RTCB: variants seen among roughly 807,000 people sequenced by gnomAD.
RTCB encodes the protein RNA 2',3'-cyclic phosphate and 5'-OH ligase, also known as RNA-splicing ligase RTCB.
In RTCB, 32 loss-of-function variants were observed where a neutral mutation model predicts 58.2. That is an observed-to-expected ratio of 0.55 (90% CI 0.41 to 0.74). The LOEUF (loss-of-function observed/expected upper bound fraction) is 0.74, where lower values mean the gene tolerates loss of function less well. Ranked by LOEUF, RTCB falls within the 30% of genes least tolerant of loss-of-function variation. RTCB has a pLI of 0.00. For synonymous variants in RTCB, 247 were observed against 218.6 expected (o/e 1.13, Z -1.15); for missense variants, 523 against 639.0 (o/e 0.82, Z 1.96).
At chr22:32,406,004 T>G (rs1233685506) in intron 4 of RTCB, among the ~76,000 whole-genome samples, 1 of 152,198 alleles carries the variant, frequency 6.6e-6, no homozygotes, top group Non-Finnish European at 1.5e-5. Context: ...TTTACACAGC[T>G]GAACTCATCT....
At chr22:32,410,302 G>A (rs1933498179) in intron 1 of RTCB, among the ~76,000 whole-genome samples, 1 of 152,134 alleles carries the variant, frequency 6.6e-6, no homozygotes, top group Non-Finnish European at 1.5e-5. Context: ...TGGCGCAGCA[G>A]AACATCTAGG....
intron 5 of RTCB, among the ~76,000 whole-genome samples, chr22:32,400,751 T>A (rs943715087): frequency 1.3e-5 from 2 of 152,258 alleles, no homozygotes; most frequent in Admixed American, 6.5e-5. Context: ...CTAAAAACAT[T>A]TTTTTCTATT....
In RTCB at chr22:32,398,097, C is replaced by A. The variant is rs1933276127; in HGVS notation, c.658G>T (p.Gly220Trp). The A allele has an allele frequency of 6.2e-7, 1 of 1,611,542 alleles. No homozygotes were observed. Among genetic ancestry groups the A allele is most frequent in the Non-Finnish European group, 8.5e-7 (1 of 1,179,368 alleles). ...RAKKRGLPQL[G>W]TLGAGNHYAE... Reference sequence around the variant, plus strand: ...TAATGGTTGCCTGCTCCCAGGGTCCCCAACTGCAAATGTAAAAATGTCTGG... The same window carrying A: ...TAATGGTTGCCTGCTCCCAGGGTCCACAACTGCAAATGTAAAAATGTCTGG... Residue 220 changes from glycine (G) to tryptophan (W), a missense_variant, in exon 7 of 12, where the codon GGG (glycine) becomes TGG (tryptophan). Physicochemically the swap from Gly to Trp is radical, Grantham distance 184 (BLOSUM62 -2). Transcript: ENST00000216038.
intron 7 of RTCB, among the ~76,000 whole-genome samples, 175 bp downstream of exon 7, chr22:32,397,766 A>C (rs1340962591): frequency 6.6e-6 from 1 of 152,260 alleles, no homozygotes; most frequent in Non-Finnish European, 1.5e-5. Context: ...ATATGAAATA[A>C]CTATTATACT....
At chr22:32,394,350 A>C (rs1247726192) in intron 9 of RTCB, among the ~76,000 whole-genome samples, 1 of 151,858 alleles carries the variant, frequency 6.6e-6, no homozygotes, top group East Asian at 1.9e-4. Context: ...CGAACTCGTG[A>C]TTTGCCCGCC....
At chr22:32,392,536 T>A (rs532942929) in intron 10 of RTCB, 177 bp from the exon 11 acceptor site, 1 of 837,704 alleles carries the variant, frequency 1.2e-6, no homozygotes, top group East Asian at 2.7e-5. Context: ...GAATTCTTTG[T>A]TGGGAGGCTG....
intron 9 of RTCB, among the ~76,000 whole-genome samples, chr22:32,394,359 C>T (rs1358864333): frequency 4.6e-5 from 7 of 152,018 alleles, no homozygotes; most frequent in Non-Finnish European, 7.4e-5. Flanking sequence ...GATTTGCCCG[C>T]CTTGGCCTCC....
At position 32,393,961 on chromosome 22, in the gene RTCB, G is replaced by C; in HGVS notation, c.1221C>G (p.Thr407=). 3 of 1,614,120 alleles carry C rather than the reference G, an allele frequency of 1.9e-6. No individual in the cohort carries two copies. Among genetic ancestry groups the C allele is most frequent in the Non-Finnish European group, 2.5e-6 (3 of 1,179,954 alleles). ...CAGTGCCAGTAAGAACATAACTACA[G>C]GTTCCCATGGTGCCACCAATGAGCA... ...QPVLIGGTMG[T]CSYVLTGTEQ... The change falls in exon 10 of 12, where the codon ACC becomes ACG. Residue 407 remains threonine, a synonymous_variant. Coordinates refer to ENST00000216038, the MANE Select transcript of RTCB (RefSeq NM_014306.5).
intron 3 of RTCB, 119 bp from the exon 4 acceptor site, chr22:32,406,880 T>G (rs1186153941): frequency 3.2e-6 from 2 of 626,490 alleles, no homozygotes; most frequent in Non-Finnish European, 5.6e-6. Context: ...AAATCAAGAC[T>G]GTGTTTTCAC....
At position 32,412,210 on chromosome 22, in the gene RTCB, G is replaced by A. The variant is rs1933542536; in HGVS notation, c.-54C>T. ...GGCTCCGCTTTGAAGAGCCGCTGCC[G>A]CGTAGTCCGGCTTCTCAGAGCACCG... On this transcript the variant is annotated 5_prime_UTR_variant, in exon 1 of 12. Transcript: ENST00000216038. 3 of 1,436,210 alleles carry A rather than the reference G, an allele frequency of 2.1e-6. No individual in the cohort carries two copies. The highest frequency in any genetic ancestry group is 2.8e-5 in the African/African-American group (2 of 70,470). 89.0% of individuals were successfully genotyped at this position (1,436,210 alleles called of 1,614,324 possible). A position where few individuals can be genotyped will look rare whatever the true frequency, so the allele number is the denominator to read the frequency against.
In RTCB at chr22:32,395,071, G is replaced by A. The variant is rs779116198; in HGVS notation, c.1134C>T (p.Thr378=). 3 of 1,614,044 alleles carry A rather than the reference G, an allele frequency of 1.9e-6. No individual in the cohort carries two copies. The highest frequency in any genetic ancestry group is 3.3e-4 in the Middle Eastern group (2 of 6,084). The change falls in exon 9 of 12, where the codon ACC becomes ACT. Residue 378 remains threonine (T), a synonymous_variant. Transcript: ENST00000216038. ...RTLLVHRKGS[T]RAFPPHHPLI... ...GGGGATGGTGAGGAGGGAAAGCGCG[G>A]GTGGATCCCTTCCTGTGTACTAACA...
chr22:32,396,144 A>G lies in RTCB; in HGVS notation c.920T>C (p.Leu307Pro). ...RIASPEGQDYLKGMAAAGNYA... is the reference protein window; with the variant it reads ...RIASPEGQDYPKGMAAAGNYA... ...GTTCCCAGCAGCTGCCATTCCCTTC[A>G]GATAGTCTTGACCCTCTGGGGAAGC... Residue 307 changes from leucine (L) to proline (P), a missense_variant, in exon 8 of 12, where the codon CTG becomes CCG. By Grantham distance (98) the Leu-to-Pro change is moderately conservative (BLOSUM62 -3). Transcript: ENST00000216038. The G allele has an allele frequency of 6.2e-7, 1 of 1,614,168 alleles. No homozygotes were observed. The highest frequency in any genetic ancestry group is 8.5e-7 in the Non-Finnish European group (1 of 1,180,026).
At chr22:32,401,980 C>G in intron 4 of RTCB, 77 bp from the exon 5 acceptor site, 1 of 1,386,044 alleles carries the variant, frequency 7.2e-7, no homozygotes, top group Non-Finnish European at 1.0e-6. Context: ...TAATATGGAA[C>G]TATAAAGATA....
chr22:32,387,656 A>G lies in RTCB; in HGVS notation c.*336T>C, dbSNP rs1933080380. ...AATGTAAACAGAGCTTGGTGTGAAG[A>G]AGATCAATCTGATGGCTAAAGATCA... On this transcript the variant is annotated 3_prime_UTR_variant, in exon 12 of 12. Transcript: ENST00000216038. 4.2e-6 allele frequency: 1 copy of G among 237,470 alleles called. No homozygotes were observed. The highest frequency in any genetic ancestry group is 8.3e-6 in the Non-Finnish European group (1 of 120,490). 14.7% of individuals were successfully genotyped at this position (237,470 alleles called of 1,614,324 possible).
intron 9 of RTCB, among the ~76,000 whole-genome samples, chr22:32,394,233 T>G (rs1933204481): frequency 6.6e-6 from 1 of 151,736 alleles, no homozygotes; most frequent in African/African-American, 2.4e-5. Context: ...TGCCTCAGCC[T>G]CCCGAGTTGC....
intron 3 of RTCB, chr22:32,407,647 C>T (rs1044730386): frequency 4.6e-5 from 7 of 152,650 alleles, no homozygotes; most frequent in African/African-American, 1.7e-4. Flanking sequence ...TGATAAGAAA[C>T]AAAACACAAA....
intron 6 of RTCB, among the ~76,000 whole-genome samples, chr22:32,398,586 C>T (rs76027700): frequency 3.3e-5 from 5 of 152,072 alleles, no homozygotes; most frequent in Non-Finnish European, 7.3e-5. Flanking sequence ...CAAACCAGCA[C>T]ATGTATCCCA....
intron 1 of RTCB, among the ~76,000 whole-genome samples, chr22:32,411,665 C>A (rs1273155762): frequency 6.6e-6 from 1 of 152,172 alleles, no homozygotes; most frequent in East Asian, 1.9e-4. Context: ...CAGCATGACT[C>A]AGAGGAGGTG....
intron 11 of RTCB, among the ~76,000 whole-genome samples, chr22:32,390,543 C>T (rs55900354): frequency 0.017 from 2,553 of 152,004 alleles, 66 homozygotes; most frequent in African/African-American, 0.059. Flanking sequence ...CCGCCTCCCG[C>T]GTTCACGCCG....
Sources: gnomAD v4.1 joint callset for allele counts (sites outside exome capture counted in the v4.1 genomes callset) on GRCh38, gnomAD v4.1.1 for gene constraint, MANE v1.5 for transcripts, NCBI Gene and HGNC (gene_info 2026-07-23, HGNC 2026-07-21) for gene names.